Variants in FAAH2 observed in about 807,000 individuals in gnomAD.
The protein encoded by FAAH2 is fatty-acid amide hydrolase 2.
Under a neutral mutation model 36.9 loss-of-function variants are expected in FAAH2, and 60 were observed. That is an observed-to-expected ratio of 1.63 (90% CI 1.32 to 2.02). The LOEUF (loss-of-function observed/expected upper bound fraction) is 2.02, where lower values mean the gene tolerates loss of function less well. FAAH2 is among the 30% of genes most tolerant of loss of function. FAAH2 has a pLI of 0.00. For synonymous variants in FAAH2, 214 were observed against 143.8 expected, an observed-to-expected ratio of 1.49 and a Z score of -3.49; for missense variants, 689 against 397.5, an observed-to-expected ratio of 1.73 and a Z score of -6.23.
At chrX:57,159,709 A>C in the FAAH2 span, among the ~76,000 whole-genome samples, 2 of 112,010 alleles carry the variant, frequency 1.8e-5, no homozygotes, top group Non-Finnish European at 3.8e-5. Context: ...ACTTTGCTGA[A>C]GTTGCTTATC....
chrX:57,263,974 G>A, the FAAH2 span, among the ~76,000 whole-genome samples: 2 of 111,634 alleles, frequency 1.8e-5, no homozygotes, highest in Non-Finnish European at 3.8e-5. Context: ...TGGTTTTGGA[G>A]CAATTAGAAA....
the FAAH2 span, among the ~76,000 whole-genome samples, chrX:57,222,264 C>T: frequency 1.8e-5 from 2 of 111,695 alleles, no homozygotes; most frequent in African/African-American, 6.5e-5. Flanking sequence ...TAAAGGCCCT[C>T]TCTATGTGCC....
the FAAH2 span, among the ~76,000 whole-genome samples, chrX:57,151,667 T>A: frequency 9.0e-6 from 1 of 111,545 alleles, no homozygotes; most frequent in Non-Finnish European, 1.9e-5. Flanking sequence ...TTGTCTAATT[T>A]TTTTTTCAAA....
At position 57,303,165 on chromosome X, in the gene FAAH2, C is replaced by T. The variant is rs183480194; in HGVS notation, c.276-7428C>T. On this transcript the variant is annotated intron_variant, in intron 2 of 10. Transcript: ENST00000374900. ...ACTGGGAAGCCTGATTGCCCTGCCC[C>T]ACCTGGTTGGGAAACTCCTGGGAGA... Among the ~76,000 whole-genome samples, 24 of 111,690 alleles carry T rather than the reference C, an allele frequency of 2.1e-4. 1 individual carries two copies. The East Asian group carries it at 6.5e-3, about 30-fold the overall frequency.
intron 8 of FAAH2, 143 bp downstream of exon 8, chrX:57,432,180 A>T (rs1021215822): frequency 5.5e-5 from 24 of 432,508 alleles, no homozygotes; most frequent in Non-Finnish European, 7.8e-5. Context: ...AAGAAAGCAC[A>T]GTTTGGTGAA....
the FAAH2 span, among the ~76,000 whole-genome samples, chrX:57,255,107 C>G: frequency 1.8e-4 from 20 of 111,207 alleles, no homozygotes; most frequent in African/African-American, 6.6e-4. Flanking sequence ...ACCACCGATC[C>G]CACAGAAATA....
the FAAH2 span, among the ~76,000 whole-genome samples, chrX:57,275,026 C>A: frequency 8.9e-6 from 1 of 112,038 alleles, no homozygotes; most frequent in African/African-American, 3.2e-5. Flanking sequence ...AGCCCAAAAT[C>A]TCCTTAAGCT....
At chrX:57,463,943 C>A (rs912067198) in intron 10 of FAAH2, among the ~76,000 whole-genome samples, 4 of 110,718 alleles carry the variant, frequency 3.6e-5, no homozygotes, top group Non-Finnish European at 7.6e-5. Context: ...ACTATAAAGA[C>A]AGATCCACAC....
chrX:57,236,869 ATCTG>A, the FAAH2 span, among the ~76,000 whole-genome samples: 2 of 109,391 alleles, frequency 1.8e-5, no homozygotes, highest in African/African-American at 3.4e-5. Flanking sequence ...GTGTAATCCC[ATCTG>A]TCTATTTTTG....
the FAAH2 span, among the ~76,000 whole-genome samples, chrX:57,133,912 T>TTCTTTC: frequency 1.8e-5 from 2 of 111,393 alleles, no homozygotes; most frequent in Non-Finnish European, 3.8e-5. Flanking sequence ...GAATAAACTC[T>TTCTTTC]ATTTACCACC....
the FAAH2 span, among the ~76,000 whole-genome samples, chrX:57,125,431 G>A: frequency 9.0e-6 from 1 of 111,665 alleles, no homozygotes; most frequent in Non-Finnish European, 1.9e-5. Flanking sequence ...TGAAAAGTAA[G>A]GGGTTGGGGG....
chrX:57,266,852 G>A, the FAAH2 span, among the ~76,000 whole-genome samples: 5 of 112,471 alleles, frequency 4.4e-5, no homozygotes, highest in African/African-American at 1.3e-4. Flanking sequence ...AGCATCTGTC[G>A]TGGAGCAGGG....
At chrX:57,216,120 T>C in the FAAH2 span, among the ~76,000 whole-genome samples, 1 of 108,618 alleles carries the variant, frequency 9.2e-6, no homozygotes, top group African/African-American at 3.3e-5. Flanking sequence ...TTTACATTTT[T>C]TTTAAATTTT....
intron 10 of FAAH2, among the ~76,000 whole-genome samples, chrX:57,475,480 T>C (rs2057249241): frequency 8.9e-6 from 1 of 112,085 alleles, no homozygotes; most frequent in Admixed American, 9.5e-5. Context: ...TTTTGTCAGG[T>C]TTATTGAAGA....
chrX:57,125,126 A>G, the FAAH2 span, among the ~76,000 whole-genome samples: 1 of 112,625 alleles, frequency 8.9e-6, no homozygotes, highest in African/African-American at 3.2e-5. Context: ...ATTCAGTATG[A>G]TATTGGCTGT....
chrX:57,319,984 A>G (rs2052968444), intron 3 of FAAH2, among the ~76,000 whole-genome samples: 1 of 111,737 alleles, frequency 8.9e-6, no homozygotes, highest in Admixed American at 9.5e-5. Context: ...CTGAAACTGG[A>G]CCTCTTTCTT....
intron 6 of FAAH2, 65 bp downstream of exon 6, chrX:57,378,851 A>G: frequency 8.9e-7 from 1 of 1,123,416 alleles, no homozygotes; most frequent in East Asian, 3.3e-5. Flanking sequence ...TTTGTTTATT[A>G]GTGTCATAGA....
At chrX:57,179,239 G>A in the FAAH2 span, among the ~76,000 whole-genome samples, 11 of 111,596 alleles carry the variant, frequency 9.9e-5, no homozygotes, top group South Asian at 3.8e-4. Flanking sequence ...ACCAGCTAAC[G>A]TAATGATGAC....
chrX:57,214,635 G>A, the FAAH2 span, among the ~76,000 whole-genome samples: 1 of 111,053 alleles, frequency 9.0e-6, no homozygotes, highest in Admixed American at 9.6e-5. Flanking sequence ...CGCCATGTTA[G>A]CCAGGCCAGT....
Sources: gnomAD v4.1 joint callset for allele counts (sites outside exome capture counted in the v4.1 genomes callset) on GRCh38, gnomAD v4.1.1 for gene constraint, MANE v1.5 for transcripts, NCBI Gene and HGNC (gene_info 2026-07-23, HGNC 2026-07-21) for gene names.